ACSS3: variants seen among roughly 807,000 people sequenced by gnomAD.
ACSS3 encodes the protein acyl-CoA synthetase short-chain family member 3, mitochondrial.
In ACSS3, 64 loss-of-function variants were observed where a neutral mutation model predicts 84.2. The observed-to-expected ratio is 0.76, with a 90% CI of 0.62 to 0.94. The LOEUF is 0.94. Ranked by LOEUF, ACSS3 falls within the 40% of genes least tolerant of loss-of-function variation. The pLI is 0.00. For missense variants in ACSS3, 815 were observed against 867.6 expected, an observed-to-expected ratio of 0.94 and a Z score of 0.76; for synonymous variants, 317 against 310.1, an observed-to-expected ratio of 1.02 and a Z score of -0.23.
At chr12:81,157,818 A>G (rs1320904439) in intron 7 of ACSS3, among the ~76,000 whole-genome samples, 1 of 152,096 alleles carries the variant, frequency 6.6e-6, no homozygotes, top group African/African-American at 2.4e-5. Context: ...AAAAATAAAT[A>G]AATAAATATA....
intron 2 of ACSS3, chr12:81,124,654 C>T (rs1884925951): frequency 6.6e-6 from 1 of 152,162 alleles, no homozygotes; most frequent in Non-Finnish European, 1.5e-5. Context: ...TCTCCAAAGG[C>T]CATTTTAAAC....
At chr12:81,084,775 T>C (rs1881209286) in intron 1 of ACSS3, among the ~76,000 whole-genome samples, 1 of 152,140 alleles carries the variant, frequency 6.6e-6, no homozygotes, top group Admixed American at 6.5e-5. Context: ...ATAAAAATAG[T>C]GGTCAAGGGC....
chr12:81,162,497 C>T (rs1328316553), intron 7 of ACSS3, among the ~76,000 whole-genome samples: 1 of 152,176 alleles, frequency 6.6e-6, no homozygotes, highest in Admixed American at 6.5e-5. Context: ...AAAGTGCATG[C>T]TGATTGGCCT....
intron 3 of ACSS3, among the ~76,000 whole-genome samples, chr12:81,136,878 G>A (rs1340593536): frequency 1.3e-5 from 2 of 151,848 alleles, no homozygotes; most frequent in Admixed American, 1.3e-4. Flanking sequence ...GTGAAACAGT[G>A]GGCAATATGA....
intron 13 of ACSS3, among the ~76,000 whole-genome samples, chr12:81,242,646 A>G (rs2033847553): frequency 7.0e-6 from 1 of 143,644 alleles, no homozygotes; most frequent in Non-Finnish European, 1.6e-5. Context: ...AGCACATCAA[A>G]AAGTTTATCC....
intron 8 of ACSS3, among the ~76,000 whole-genome samples, chr12:81,194,159 T>A (rs2031714117): frequency 6.6e-6 from 1 of 151,818 alleles, no homozygotes; most frequent in Non-Finnish European, 1.5e-5. Context: ...AGATTTATAC[T>A]AAGATTTGTT....
At chr12:81,113,982 A>AATCCCT (rs1883822773) in intron 2 of ACSS3, among the ~76,000 whole-genome samples, 1 of 152,106 alleles carries the variant, frequency 6.6e-6, no homozygotes, top group South Asian at 2.1e-4. Context: ...TATATCTTAT[A>AATCCCT]TATATAGTAC....
chr12:81,116,072 G>T (rs1884018476), intron 2 of ACSS3, among the ~76,000 whole-genome samples: 1 of 151,958 alleles, frequency 6.6e-6, no homozygotes, highest in Admixed American at 6.6e-5. Flanking sequence ...GTTGTATAAT[G>T]CAAGTATAAT....
At position 81,220,061 on chromosome 12, in the gene ACSS3, G is replaced by T; in HGVS notation, c.1499G>T (p.Gly500Val). The stretch of plus-strand genomic sequence containing the variant: ...CAAAAACTGAAGGCTCGGTGTTTAG[G>T]AAATATTGTGGTAAAGTAAGCAAAA... ...NMQKLKARCL[G>V]NIVVKLPLPP... Residue 500 changes from glycine to valine, a missense_variant, in exon 11 of 16, where the codon GGA becomes GTA. Coordinates refer to ENST00000548058, the MANE Select transcript of ACSS3 (RefSeq NM_024560.4). 6.5e-7 allele frequency: 1 copy of T among 1,541,382 alleles called. No homozygotes were observed. The highest frequency in any genetic ancestry group is 8.8e-7 in the Non-Finnish European group (1 of 1,142,780).
chr12:81,187,688 G>A (rs1489013255), intron 8 of ACSS3, among the ~76,000 whole-genome samples: 1 of 151,738 alleles, frequency 6.6e-6, no homozygotes. Context: ...GTTTATACAA[G>A]TTAAAAAAGC....
chr12:81,236,154 GTTA>G (rs142670326), intron 13 of ACSS3, among the ~76,000 whole-genome samples: 2,220 of 151,476 alleles, frequency 0.015, 56 homozygotes, highest in African/African-American at 0.051. Context: ...TTGCTGAAGT[GTTA>G]TTTTTAATTA....
At chr12:81,095,767 C>T (rs1281271196) in intron 1 of ACSS3, among the ~76,000 whole-genome samples, 1 of 152,118 alleles carries the variant, frequency 6.6e-6, no homozygotes, top group African/African-American at 2.4e-5. Flanking sequence ...CTATGTTGTC[C>T]TTTCATGTCG....
chr12:81,172,876 C>T (rs911599592), intron 7 of ACSS3, among the ~76,000 whole-genome samples: 1 of 152,108 alleles, frequency 6.6e-6, no homozygotes. Flanking sequence ...CTGGCACTGT[C>T]GTAGAATTCA....
intron 7 of ACSS3, among the ~76,000 whole-genome samples, chr12:81,164,008 A>G (rs1887283026): frequency 6.6e-6 from 1 of 152,172 alleles, no homozygotes; most frequent in Non-Finnish European, 1.5e-5. Context: ...TTAAGTGTGC[A>G]GTGTTTATAC....
intron 1 of ACSS3, among the ~76,000 whole-genome samples, chr12:81,103,693 TA>T (rs34415882): frequency 0.35 from 53,333 of 150,700 alleles, 11,841 homozygotes; most frequent in Non-Finnish European, 0.5. Flanking sequence ...TACTCTTGTT[TA>T]AAAAAAAAAT....
intron 10 of ACSS3, among the ~76,000 whole-genome samples, chr12:81,218,647 T>C (rs1209523585): frequency 6.6e-6 from 1 of 152,166 alleles, no homozygotes; most frequent in Non-Finnish European, 1.5e-5. Flanking sequence ...CTGCTCCTTT[T>C]ATCAGAAAAA....
chr12:81,099,887 G>A (rs1440705279), intron 1 of ACSS3, among the ~76,000 whole-genome samples: 4 of 152,058 alleles, frequency 2.6e-5, no homozygotes, highest in Admixed American at 1.3e-4. Flanking sequence ...AGCCACTTCT[G>A]GCACCCAGAG....
At chr12:81,135,705 T>G (rs1885765511) in intron 3 of ACSS3, among the ~76,000 whole-genome samples, 1 of 151,872 alleles carries the variant, frequency 6.6e-6, no homozygotes, top group Admixed American at 6.6e-5. Flanking sequence ...GATGAAAAAC[T>G]ACCTATTGGA....
At chr12:81,086,012 T>C (rs190884751) in intron 1 of ACSS3, among the ~76,000 whole-genome samples, 127 of 152,320 alleles carry the variant, frequency 8.3e-4, no homozygotes, top group African/African-American at 2.8e-3. Flanking sequence ...ACAAATATAA[T>C]GGGGATTTTA....
Sources: allele counts gnomAD v4.1 joint callset (sites outside exome capture counted in the v4.1 genomes callset), GRCh38; gene constraint gnomAD v4.1.1; transcripts MANE v1.5; gene names NCBI Gene and HGNC (gene_info 2026-07-23, HGNC 2026-07-21).